The following ZMAT4 variants were observed in gnomAD, a reference collection of about 807,000 sequenced individuals.
ZMAT4 encodes the protein zinc finger matrin-type protein 4.
A neutral mutation model predicts 28.7 loss-of-function variants in ZMAT4; 17 were observed. That is an observed-to-expected ratio of 0.59 (90% CI 0.41 to 0.89). ZMAT4 has a LOEUF of 0.89. ZMAT4 is among the 40% of genes least tolerant of loss of function. The pLI, the probability that ZMAT4 is intolerant of heterozygous loss-of-function variation, is 0.00. For missense variants in ZMAT4, 240 were observed against 283.8 expected (o/e 0.85, Z 1.11); for synonymous variants, 117 against 109.2 (o/e 1.07, Z -0.44).
At position 40,629,500 on chromosome 8, in the gene ZMAT4, C is replaced by T. The variant is rs191050114; in HGVS notation, c.577+45204G>A. On this transcript the variant is annotated intron_variant, in intron 5 of 6. Transcript: ENST00000297737. Reference sequence around the variant, plus strand: ...ATACATGTGCCATGTTGGTGTGCTGCACCCATTAACTCGTCATTTAGCATT... The same window carrying T: ...ATACATGTGCCATGTTGGTGTGCTGTACCCATTAACTCGTCATTTAGCATT... Among the ~76,000 whole-genome samples the T allele has an allele frequency of 5.5e-3, 829 of 151,566 alleles. 13 individuals are homozygous for T. The highest frequency in any genetic ancestry group is 0.019 in the African/African-American group (781 of 41,296).
rs536289810 is a variant in ZMAT4 at position 40,640,742 on chromosome 8, C to A, written c.577+33962G>T. 4.6e-5 allele frequency among the ~76,000 whole-genome samples: 7 copies of A among 151,990 alleles called. No homozygotes were observed. In the South Asian group the frequency reaches 1.5e-3, roughly 32 times the overall value. On this transcript the variant is annotated intron_variant, in intron 5 of 6. Coordinates refer to ENST00000297737, the MANE Select transcript of ZMAT4 (RefSeq NM_024645.3). ...TTGGGAGGTCGAGGTGGTGGATCACCTGAGGTCAGGAGTTCAAGAGCAGCC... is the reference window on the plus strand; with the variant it reads ...TTGGGAGGTCGAGGTGGTGGATCACATGAGGTCAGGAGTTCAAGAGCAGCC...
chr8:40,544,104 A>G (rs1469789106), intron 6 of ZMAT4, among the ~76,000 whole-genome samples: 1 of 152,050 alleles, frequency 6.6e-6, no homozygotes, highest in Non-Finnish European at 1.5e-5. Context: ...TCTATTTTCA[A>G]CCTCACAACT....
At chr8:40,696,792 C>A (rs759085625) in intron 4 of ZMAT4, among the ~76,000 whole-genome samples, 1 of 152,054 alleles carries the variant, frequency 6.6e-6, no homozygotes, top group Non-Finnish European at 1.5e-5. Flanking sequence ...TATAGTTTTC[C>A]TTTCTTTTCC....
intron 5 of ZMAT4, among the ~76,000 whole-genome samples, chr8:40,612,089 C>A (rs548063338): frequency 3.9e-5 from 6 of 152,256 alleles, no homozygotes; most frequent in Admixed American, 3.9e-4. Context: ...GGCCCATTTT[C>A]CTGCTTTGTA....
intron 1 of ZMAT4, among the ~76,000 whole-genome samples, chr8:40,841,238 G>C (rs963664285): frequency 6.6e-6 from 1 of 152,152 alleles, no homozygotes; most frequent in African/African-American, 2.4e-5. Context: ...CTCTCCCCAG[G>C]ACCTCAGCCT....
chr8:40,789,017 AAGGG>A (rs1420756018), intron 2 of ZMAT4, among the ~76,000 whole-genome samples: 40 of 106,612 alleles, frequency 3.8e-4, no homozygotes, highest in African/African-American at 1.2e-3. Context: ...GGAAAAGAGG[AAGGG>A]AGGGAGGGAG....
intron 1 of ZMAT4, among the ~76,000 whole-genome samples, chr8:40,893,549 G>C (rs1398398562): frequency 1.3e-5 from 2 of 152,196 alleles, no homozygotes; most frequent in African/African-American, 4.8e-5. Context: ...ACCAGCCAGA[G>C]CTAAAAAGCG....
At chr8:40,823,490 C>G (rs1815904742) in intron 2 of ZMAT4, among the ~76,000 whole-genome samples, 1 of 152,092 alleles carries the variant, frequency 6.6e-6, no homozygotes, top group Admixed American at 6.5e-5. Context: ...AACCCTGTCT[C>G]TACTAAAAAT....
intron 5 of ZMAT4, among the ~76,000 whole-genome samples, chr8:40,618,404 T>C (rs1216818839): frequency 1.3e-5 from 2 of 152,168 alleles, no homozygotes; most frequent in African/African-American, 4.8e-5. Flanking sequence ...ACAGTGAGTA[T>C]TAATAATACT....
At chr8:40,708,688 C>A (rs1196056431) in intron 3 of ZMAT4, among the ~76,000 whole-genome samples, 1 of 148,996 alleles carries the variant, frequency 6.7e-6, no homozygotes, top group Non-Finnish European at 1.5e-5. Flanking sequence ...CTCTGTCACC[C>A]ATGCTGCAGG....
In ZMAT4 at chr8:40,531,175, G is replaced by C. The variant is rs1802682769; in HGVS notation, c.*1048C>G. The C allele has an allele frequency of 6.6e-6, 1 of 152,154 alleles. No homozygotes were observed. The highest frequency in any genetic ancestry group is 2.1e-4 in the South Asian group (1 of 4,818). The allele number at this position is 152,154 out of a possible 1,614,324, so 9.4% of individuals were successfully genotyped here. A position where few individuals can be genotyped will look rare whatever the true frequency, so the allele number is the denominator to read the frequency against. ...ACCTAGAGAAAGAGCCTCATGATCT[G>C]CACTCAGACGCTCCCCATCAGAAAG... On this transcript the variant is annotated 3_prime_UTR_variant, in exon 7 of 7. Transcript: ENST00000297737.
At chr8:40,896,955 C>T (rs1818899063) in intron 1 of ZMAT4, among the ~76,000 whole-genome samples, 1 of 151,432 alleles carries the variant, frequency 6.6e-6, no homozygotes, top group Non-Finnish European at 1.5e-5. Context: ...AACTCTCTAT[C>T]CCGTTTTTTG....
intron 3 of ZMAT4, among the ~76,000 whole-genome samples, chr8:40,763,587 C>T (rs1326379982): frequency 6.6e-6 from 1 of 152,176 alleles, no homozygotes; most frequent in Non-Finnish European, 1.5e-5. Context: ...AAATAAGACA[C>T]CACTTCAAGA....
chr8:40,649,751 A>G (rs1424680604), intron 5 of ZMAT4, among the ~76,000 whole-genome samples: 1 of 152,168 alleles, frequency 6.6e-6, no homozygotes, highest in Non-Finnish European at 1.5e-5. Flanking sequence ...CAATCAAACT[A>G]GAACTCAGGA....
intron 6 of ZMAT4, among the ~76,000 whole-genome samples, chr8:40,533,992 C>T (rs925014938): frequency 2.0e-5 from 3 of 152,104 alleles, no homozygotes; most frequent in Non-Finnish European, 2.9e-5. Flanking sequence ...TGAAGGACAG[C>T]ATCTTCACGT....
intron 1 of ZMAT4, among the ~76,000 whole-genome samples, chr8:40,829,529 A>T (rs1816200246): frequency 6.6e-6 from 1 of 152,192 alleles, no homozygotes; most frequent in Non-Finnish European, 1.5e-5. Context: ...GGAAGCATCA[A>T]GGAGGAGTGC....
intron 2 of ZMAT4, among the ~76,000 whole-genome samples, chr8:40,812,725 G>A (rs1319408462): frequency 6.6e-6 from 1 of 152,166 alleles, no homozygotes; most frequent in Non-Finnish European, 1.5e-5. Flanking sequence ...GAGGTCAGGA[G>A]TTTGAGACCA....
intron 1 of ZMAT4, among the ~76,000 whole-genome samples, chr8:40,862,659 A>G (rs562780264): frequency 1.3e-3 from 191 of 150,594 alleles, no homozygotes; most frequent in African/African-American, 4.4e-3. Flanking sequence ...GGATGAGTTC[A>G]TGTCCTTTGT....
rs542327701 is a variant in ZMAT4, at chr8:40,843,468, C to T, written c.-4-17788G>A. Among the ~76,000 whole-genome samples the T allele has an allele frequency of 5.9e-5, 9 of 152,214 alleles. No individual in the cohort carries two copies. The South Asian group carries it at 1.7e-3, about 28-fold the overall frequency. On this transcript the variant is annotated intron_variant, in intron 1 of 6. Coordinates refer to ENST00000297737, the MANE Select transcript of ZMAT4 (RefSeq NM_024645.3). ...ACTGGAATGGAGCTGAGGAAGAGACCCATAAGATCCTGCTTTTACAGGGGA... is the reference window on the plus strand; with the variant it reads ...ACTGGAATGGAGCTGAGGAAGAGACTCATAAGATCCTGCTTTTACAGGGGA...
Sources: allele counts gnomAD v4.1 joint callset (sites outside exome capture counted in the v4.1 genomes callset), GRCh38; gene constraint gnomAD v4.1.1; transcripts MANE v1.5; gene names NCBI Gene and HGNC (gene_info 2026-07-23, HGNC 2026-07-21).